SUFU: variants seen among roughly 807,000 people sequenced by gnomAD.
SUFU encodes SUFU negative regulator of hedgehog signaling, also known as suppressor of fused homolog.
In SUFU, 7 loss-of-function variants were observed where a neutral mutation model predicts 58.9. The ratio of observed to expected loss-of-function variants is 0.12; its 90% CI spans 0.07 to 0.22. The LOEUF (loss-of-function observed/expected upper bound fraction) is 0.22, where lower values mean the gene tolerates loss of function less well. SUFU is among the 10% of genes least tolerant of loss of function. The pLI, the probability that SUFU is intolerant of heterozygous loss-of-function variation, is 1.00. For missense variants in SUFU, 451 were observed against 641.3 expected, an observed-to-expected ratio of 0.70 and a Z score of 3.20; for synonymous variants, 232 against 254.8, an observed-to-expected ratio of 0.91 and a Z score of 0.85.
At chr10:102,535,219 G>A (rs998737877) in intron 2 of SUFU, among the ~76,000 whole-genome samples, 32 of 152,322 alleles carry the variant, frequency 2.1e-4, no homozygotes, top group African/African-American at 7.0e-4. Flanking sequence ...GGGCGCGGTG[G>A]CTCACGCCTG....
At chr10:102,558,328 A>G (rs529298698) in intron 3 of SUFU, among the ~76,000 whole-genome samples, 1 of 152,042 alleles carries the variant, frequency 6.6e-6, no homozygotes, top group Non-Finnish European at 1.5e-5. Context: ...TTCCCATTTC[A>G]GCCTCCTGAG....
chr10:102,517,137 A>C (rs1564660623), intron 2 of SUFU, among the ~76,000 whole-genome samples: 1 of 146,436 alleles, frequency 6.8e-6, no homozygotes, highest in Non-Finnish European at 1.5e-5. Context: ...AAAAAAAAAA[A>C]ATTAGCTGGG....
intron 2 of SUFU, among the ~76,000 whole-genome samples, chr10:102,515,824 G>T (rs967674445): frequency 7.9e-5 from 12 of 152,116 alleles, no homozygotes; most frequent in African/African-American, 2.7e-4. Context: ...AGGCTCATTG[G>T]GGGGCACACC....
intron 3 of SUFU, among the ~76,000 whole-genome samples, chr10:102,565,582 T>A (rs1282907439): frequency 6.6e-6 from 1 of 152,228 alleles, no homozygotes. Context: ...TCTCGCTCTG[T>A]CGCCCAGGCT....
intron 8 of SUFU, among the ~76,000 whole-genome samples, chr10:102,609,567 C>A (rs1420423306): frequency 1.3e-5 from 2 of 152,146 alleles, no homozygotes; most frequent in Non-Finnish European, 2.9e-5. Flanking sequence ...AAACCTAGAC[C>A]CAATTGTTTG....
intron 6 of SUFU, among the ~76,000 whole-genome samples, chr10:102,596,546 T>C (rs889633691): frequency 6.6e-6 from 1 of 152,192 alleles, no homozygotes; most frequent in African/African-American, 2.4e-5. Context: ...GGAATCTCCA[T>C]CCAGAGTCCT....
intron 3 of SUFU, among the ~76,000 whole-genome samples, chr10:102,574,534 G>A (rs1028915260): frequency 3.9e-5 from 6 of 152,144 alleles, no homozygotes; most frequent in East Asian, 3.9e-4. Flanking sequence ...GATTGCTTGA[G>A]CCCAGGAATT....
At chr10:102,548,433 A>G (rs1383635613) in intron 2 of SUFU, among the ~76,000 whole-genome samples, 1 of 152,124 alleles carries the variant, frequency 6.6e-6, no homozygotes, top group African/African-American at 2.4e-5. Flanking sequence ...AAAAGATGCC[A>G]CGTGGAATTC....
intron 3 of SUFU, among the ~76,000 whole-genome samples, chr10:102,554,766 G>T (rs1050091677): frequency 2.7e-4 from 41 of 152,286 alleles, no homozygotes; most frequent in African/African-American, 9.9e-4. Context: ...TCCTGACCCA[G>T]ATAGCCTGCA....
chr10:102,632,982 A>C lies in SUFU; in HGVS notation c.*2827A>C, dbSNP rs1354763696. ...TTTCTCTTCCAAGGGCAGTGCTCCAAGGCAGGGACTGGAGAAGCCAAGGGG... is the reference window on the plus strand; with the variant it reads ...TTTCTCTTCCAAGGGCAGTGCTCCACGGCAGGGACTGGAGAAGCCAAGGGG... On this transcript the variant is annotated 3_prime_UTR_variant, in exon 12 of 12. Transcript: ENST00000369902. The C allele has an allele frequency of 4.3e-6, 1 of 233,270 alleles. No individual in the cohort carries two copies. Among genetic ancestry groups the C allele is most frequent in the East Asian group, 6.0e-5 (1 of 16,596 alleles). The allele number at this position is 233,270 out of a possible 1,614,324, so 14.5% of individuals were successfully genotyped here.
intron 1 of SUFU, among the ~76,000 whole-genome samples, chr10:102,505,207 C>T (rs1194778943): frequency 6.6e-6 from 1 of 152,150 alleles, no homozygotes; most frequent in Non-Finnish European, 1.5e-5. Flanking sequence ...TGCAGTTTCT[C>T]CGGGGAGCTG....
chr10:102,603,621 C>T (rs897496366), intron 8 of SUFU, among the ~76,000 whole-genome samples: 2 of 152,056 alleles, frequency 1.3e-5, no homozygotes, highest in African/African-American at 4.8e-5. Flanking sequence ...GCTTTTAAGA[C>T]CTTTAAAAAA....
chr10:102,619,340 C>G lies in SUFU; in HGVS notation c.1296+1912C>G, dbSNP rs955460720. The G allele has an allele frequency of 2.8e-6, 4 of 1,423,718 alleles. No homozygotes were observed. Among genetic ancestry groups the G allele is most frequent in the East Asian group, 5.1e-5 (2 of 39,428 alleles). The allele number at this position is 1,423,718 out of a possible 1,614,324, so 88.2% of individuals were successfully genotyped here. On this transcript the variant is annotated intron_variant, in intron 10 of 11. Transcript: ENST00000369902. The surrounding 1 kb of genome is among the most constrained non-coding windows in gnomAD (Gnocchi z 4.2). ...CCCTCAGCGAGCCTGAGGCCCAGCA[C>G]CCGCTGGCTCCCCAGCACATGGTCC...
chr10:102,508,874 A>G (rs2062362967), intron 1 of SUFU, among the ~76,000 whole-genome samples: 1 of 152,198 alleles, frequency 6.6e-6, no homozygotes, highest in African/African-American at 2.4e-5. Flanking sequence ...CTCATTTGGG[A>G]TCGGTAATTT....
At chr10:102,567,525 G>A (rs2063104005) in intron 3 of SUFU, among the ~76,000 whole-genome samples, 1 of 152,120 alleles carries the variant, frequency 6.6e-6, no homozygotes, top group Non-Finnish European at 1.5e-5. Flanking sequence ...AGGACTCAAG[G>A]ACCAAGAGAA....
At chr10:102,513,788 A>C (rs913648503) in intron 2 of SUFU, among the ~76,000 whole-genome samples, 1 of 152,156 alleles carries the variant, frequency 6.6e-6, no homozygotes, top group African/African-American at 2.4e-5. Flanking sequence ...GTATTTCAAA[A>C]ACTTCTAGTG....
chr10:102,534,591 GC>G (rs1695199184), intron 2 of SUFU, among the ~76,000 whole-genome samples: 1 of 152,232 alleles, frequency 6.6e-6, no homozygotes, highest in Non-Finnish European at 1.5e-5. Context: ...TTCATCCTCT[GC>G]GTAGGTGTAA....
At chr10:102,611,207 G>T (rs2063618858) in intron 8 of SUFU, among the ~76,000 whole-genome samples, 1 of 152,228 alleles carries the variant, frequency 6.6e-6, no homozygotes, top group Admixed American at 6.5e-5. Context: ...AGTAGAAAAA[G>T]AAACTTGGTG....
intron 3 of SUFU, among the ~76,000 whole-genome samples, chr10:102,584,174 C>T (rs532887599): frequency 1.8e-4 from 28 of 152,176 alleles, no homozygotes; most frequent in Non-Finnish European, 3.7e-4. Context: ...GCAAGTTGCC[C>T]AGGGTCACAT....
Sources: allele counts gnomAD v4.1 joint callset (sites outside exome capture counted in the v4.1 genomes callset), GRCh38; gene constraint gnomAD v4.1.1; non-coding constraint Gnocchi (gnomAD v3.1); transcripts MANE v1.5; gene names NCBI Gene and HGNC (gene_info 2026-07-23, HGNC 2026-07-21).